Variants in PPP4R1 observed in about 807,000 individuals in gnomAD.
PPP4R1 encodes the protein serine/threonine-protein phosphatase 4 regulatory subunit 1.
A neutral mutation model predicts 111.2 loss-of-function variants in PPP4R1; 42 were observed. The observed-to-expected ratio is 0.38, with a 90% confidence interval of 0.29 to 0.49. PPP4R1 has a LOEUF of 0.49. Among genes scored for constraint, PPP4R1 ranks in the 20% least tolerant of loss-of-function variants. The probability of loss-of-function intolerance (pLI) is 0.97; values close to 1 mark genes in which losing one functional copy is unlikely to be tolerated. For missense variants in PPP4R1, 1,012 were observed against 1,161.6 expected (o/e 0.87, Z 1.87); for synonymous variants, 409 against 405.5 (o/e 1.01, Z -0.10).
At chr18:9,574,705 C>T (rs2066911536) in intron 10 of PPP4R1, among the ~76,000 whole-genome samples, 1 of 152,094 alleles carries the variant, frequency 6.6e-6, no homozygotes, top group Non-Finnish European at 1.5e-5. Context: ...CAATATGTAG[C>T]CAAAAGGATA....
At position 9,609,990 on chromosome 18, in the gene PPP4R1, A is replaced by C. The variant is rs138814458; in HGVS notation, c.52+4236T>G. On this transcript the variant is annotated intron_variant, in intron 2 of 19. Transcript: ENST00000400556. Reference sequence around the variant, plus strand: ...ACACATCACAGGACTGCTGTGAAGAATAACCTGTGTATGAAAGGCACTGTA... The same window carrying C: ...ACACATCACAGGACTGCTGTGAAGACTAACCTGTGTATGAAAGGCACTGTA... Among the ~76,000 whole-genome samples the C allele has an allele frequency of 3.2e-3, 495 of 152,374 alleles. 9 individuals are homozygous for C. Among genetic ancestry groups the C allele is most frequent in the Admixed American group, 0.024 (366 of 15,308 alleles).
Position 9,603,108 on chromosome 18 carries a change from T to A in PPP4R1, c.53-7955A>T, listed in dbSNP as rs984415444. The stretch of plus-strand genomic sequence containing the variant: ...GGTTTCCAACTGTTTTTGTTTTCAC[T>A]CATTTCATTCAACCAGTAAGTAGGG... On this transcript the variant is annotated intron_variant, in intron 2 of 19. Transcript: ENST00000400556. 2.9e-5 allele frequency among the ~76,000 whole-genome samples: 4 copies of A among 138,184 alleles called. No homozygotes were observed. The East Asian group carries it at 7.9e-4, about 27-fold the overall frequency. The allele number at this position is 138,184 out of a possible 152,430, so 90.7% of individuals were successfully genotyped here.
intron 4 of PPP4R1, among the ~76,000 whole-genome samples, chr18:9,593,360 T>C (rs1227225184): frequency 2.6e-5 from 4 of 152,160 alleles, no homozygotes; most frequent in Non-Finnish European, 4.4e-5. Context: ...GCTTTAGTTT[T>C]ACAAATGGTT....
At chr18:9,581,673 A>C (rs1001212045) in intron 9 of PPP4R1, among the ~76,000 whole-genome samples, 1 of 152,232 alleles carries the variant, frequency 6.6e-6, no homozygotes, top group African/African-American at 2.4e-5. Context: ...CATTGGCTCA[A>C]AACTTTTCAA....
At chr18:9,584,334 T>C (rs532569890) in intron 8 of PPP4R1, among the ~76,000 whole-genome samples, 181 bp downstream of exon 8, 2 of 152,300 alleles carry the variant, frequency 1.3e-5, no homozygotes, top group Admixed American at 1.3e-4. Flanking sequence ...TTAATAAATA[T>C]CAAAAAGATA....
chr18:9,563,342 A>G (rs373875103), intron 12 of PPP4R1, 36 bp downstream of exon 12: 1 of 1,547,658 alleles, frequency 6.5e-7, no homozygotes, highest in African/African-American at 1.4e-5. Flanking sequence ...GATTCAAACT[A>G]CTCTCATTTG....
rs2066425344 is a variant in PPP4R1, at chr18:9,547,937, G to A, written c.2705C>T (p.Ser902Phe). 1.2e-6 allele frequency: 2 copies of A among 1,613,980 alleles called. No homozygotes were observed. Among genetic ancestry groups the A allele is most frequent in the African/African-American group, 2.7e-5 (2 of 75,058 alleles). ...TLLEKDYFLA[S>F]ASCHQEAVEQ... is the part of the protein sequence containing the mutation. The stretch of plus-strand genomic sequence containing the variant: ...CACAGCCTCCTGGTGGCAGCTGGCA[G>A]AGGCCAAGAAATAGTCTGGAAATGA... Residue 902 changes from serine to phenylalanine, a missense_variant, in exon 20 of 20, where the codon TCT (serine) becomes TTT (phenylalanine). Physicochemically the swap from Ser to Phe is radical, Grantham distance 155. Transcript: ENST00000400556.
At chr18:9,590,570 T>C (rs1432258043) in intron 4 of PPP4R1, among the ~76,000 whole-genome samples, 1 of 152,190 alleles carries the variant, frequency 6.6e-6, no homozygotes, top group African/African-American at 2.4e-5. Context: ...AATAGACTAA[T>C]GGGGCGGGGC....
chr18:9,559,969 G>A (rs2066646674), intron 13 of PPP4R1, among the ~76,000 whole-genome samples: 1 of 152,118 alleles, frequency 6.6e-6, no homozygotes, highest in Admixed American at 6.6e-5. Flanking sequence ...AATAACAGGT[G>A]CTCTGCGTGA....
At position 9,576,791 on chromosome 18, in the gene PPP4R1, T is replaced by A. The variant is rs200878338; in HGVS notation, c.1046+273A>T. On this transcript the variant is annotated intron_variant, in intron 10 of 19. Transcript: ENST00000400556. ...CTAAATAAACATTTTTTAAAAGTCA[T>A]AATCTACCATTTAGAGTTTCCTATG... 3.5e-4 allele frequency among the ~76,000 whole-genome samples: 54 copies of A among 152,314 alleles called. No homozygotes were observed. The East Asian group carries it at 6.4e-3, about 18-fold the overall frequency.
rs2066414118 is a variant in PPP4R1 at position 9,547,176 on chromosome 18, T to C, written c.*613A>G. ...CATTCTGTAAATGTGTACAGCAATATGCTGCGCTTAAGAGTTTAAGTCAAT... is the reference window on the plus strand; with the variant it reads ...CATTCTGTAAATGTGTACAGCAATACGCTGCGCTTAAGAGTTTAAGTCAAT... On this transcript the variant is annotated 3_prime_UTR_variant, in exon 20 of 20. Coordinates refer to ENST00000400556, the MANE Select transcript of PPP4R1 (RefSeq NM_001042388.3). 3 of 153,108 alleles carry C rather than the reference T, an allele frequency of 2.0e-5. No homozygotes were observed. Among genetic ancestry groups the C allele is most frequent in the Middle Eastern group, 3.4e-3 (1 of 294 alleles). The allele number at this position is 153,108 out of a possible 1,614,324, so 9.5% of individuals were successfully genotyped here.
chr18:9,595,204 A>ACC (rs772899812), intron 2 of PPP4R1, 51 bp from the exon 3 acceptor site: 1 of 1,568,134 alleles, frequency 6.4e-7, no homozygotes, highest in African/African-American at 1.4e-5. Context: ...ACTAAAATGT[A>ACC]CCCCTTGCCT....
At chr18:9,562,120 A>G (rs572118259) in intron 12 of PPP4R1, 45 bp from the exon 13 acceptor site, 6 of 1,410,318 alleles carry the variant, frequency 4.3e-6, no homozygotes, top group African/African-American at 1.4e-5. Flanking sequence ...CTGTCTGTAC[A>G]TCTTCATTTA....
At chr18:9,565,890 C>G (rs1370553427) in intron 11 of PPP4R1, among the ~76,000 whole-genome samples, 1 of 152,152 alleles carries the variant, frequency 6.6e-6, no homozygotes, top group Non-Finnish European at 1.5e-5. Context: ...ACTTAAGCCA[C>G]TAAGGTAGCT....
intron 9 of PPP4R1, among the ~76,000 whole-genome samples, chr18:9,581,504 C>G (rs2067028542): frequency 6.6e-6 from 1 of 151,104 alleles, no homozygotes; most frequent in Non-Finnish European, 1.5e-5. Flanking sequence ...GAAGATAGAT[C>G]AATAGAGATT....
chr18:9,595,917 G>GA (rs1050642932), intron 2 of PPP4R1, among the ~76,000 whole-genome samples: 1 of 152,182 alleles, frequency 6.6e-6, no homozygotes, highest in Non-Finnish European at 1.5e-5. Context: ...AGGAAGAACT[G>GA]AAAGGTGCCC....
At chr18:9,558,436 G>T (rs1185014838) in intron 14 of PPP4R1, among the ~76,000 whole-genome samples, 5 of 152,196 alleles carry the variant, frequency 3.3e-5, no homozygotes, top group African/African-American at 1.2e-4. Flanking sequence ...TTGGGCCTTT[G>T]TGGTTCCATG....
intron 2 of PPP4R1, among the ~76,000 whole-genome samples, chr18:9,597,139 C>A (rs889606212): frequency 1.3e-5 from 2 of 152,038 alleles, no homozygotes; most frequent in African/African-American, 4.8e-5. Context: ...CAGTGAGACC[C>A]CCATCTCTTA....
chr18:9,570,727 T>C, intron 10 of PPP4R1, 44 bp from the exon 11 acceptor site: 1 of 1,486,042 alleles, frequency 6.7e-7, no homozygotes, highest in Non-Finnish European at 8.9e-7. Context: ...TATGAAAGGA[T>C]AATTACTTTA....
Sources: allele counts gnomAD v4.1 joint callset (sites outside exome capture counted in the v4.1 genomes callset), GRCh38; gene constraint gnomAD v4.1.1; transcripts MANE v1.5; gene names NCBI Gene and HGNC (gene_info 2026-07-23, HGNC 2026-07-21).